RAP1GAP2: variants seen among roughly 807,000 people sequenced by gnomAD.
RAP1GAP2 encodes the protein rap1 GTPase-activating protein 2.
In RAP1GAP2, 27 loss-of-function variants were observed where a neutral mutation model predicts 95.0. The ratio of observed to expected loss-of-function variants is 0.28; its 90% CI spans 0.21 to 0.39. The LOEUF is 0.39. Among genes scored for constraint, RAP1GAP2 ranks in the 10% least tolerant of loss-of-function variants. RAP1GAP2 has a pLI of 1.00. For synonymous variants in RAP1GAP2, 373 were observed against 380.9 expected (o/e 0.98, Z 0.24); for missense variants, 771 against 970.0 (o/e 0.79, Z 2.72).
chr17:2,881,200 G>A (rs191936202), intron 2 of RAP1GAP2, among the ~76,000 whole-genome samples: 26 of 152,180 alleles, frequency 1.7e-4, no homozygotes, highest in African/African-American at 6.3e-4. Context: ...GGCAGAGGCT[G>A]GAGTGAGCCG....
intron 2 of RAP1GAP2, among the ~76,000 whole-genome samples, chr17:2,851,351 G>A (rs565912485): frequency 6.6e-6 from 1 of 152,290 alleles, no homozygotes; most frequent in East Asian, 1.9e-4. Context: ...AAATGCTGGT[G>A]GAATGGGTAA....
At chr17:2,987,571 G>C (rs1398160677) in intron 11 of RAP1GAP2, among the ~76,000 whole-genome samples, 7 of 152,024 alleles carry the variant, frequency 4.6e-5, no homozygotes, top group Non-Finnish European at 1.0e-4. Context: ...GTGTTGGTCA[G>C]GCTGGTCTCG....
intron 9 of RAP1GAP2, among the ~76,000 whole-genome samples, chr17:2,980,739 C>A (rs2045325107): frequency 6.6e-6 from 1 of 152,152 alleles, no homozygotes. Context: ...ACCTTCACAG[C>A]AGAGGAAAGG....
intron 1 of RAP1GAP2, among the ~76,000 whole-genome samples, chr17:2,768,865 A>G (rs2068327711): frequency 6.6e-6 from 1 of 151,844 alleles, no homozygotes; most frequent in African/African-American, 2.4e-5. Context: ...TGGAGGTTCT[A>G]GAAGACCTAA....
At chr17:2,994,999 A>AGACG (rs2045904051) in intron 12 of RAP1GAP2, among the ~76,000 whole-genome samples, 1 of 152,132 alleles carries the variant, frequency 6.6e-6, no homozygotes, top group African/African-American at 2.4e-5. Flanking sequence ...TTTTTAGTAG[A>AGACG]GACGGGGGTT....
chr17:2,787,672 A>G (rs747317234), intron 1 of RAP1GAP2, among the ~76,000 whole-genome samples: 1 of 152,030 alleles, frequency 6.6e-6, no homozygotes, highest in Non-Finnish European at 1.5e-5. Flanking sequence ...GGTTCACGCA[A>G]TTCTCCTGCC....
At chr17:2,997,346 T>A (rs1299674983) in intron 13 of RAP1GAP2, among the ~76,000 whole-genome samples, 2 of 152,208 alleles carry the variant, frequency 1.3e-5, no homozygotes, top group Non-Finnish European at 2.9e-5. Flanking sequence ...CCTGTAATTT[T>A]GCCCTTGCCT....
chr17:2,941,830 G>T (rs933151996), intron 3 of RAP1GAP2, among the ~76,000 whole-genome samples: 5 of 152,060 alleles, frequency 3.3e-5, no homozygotes, highest in African/African-American at 1.2e-4. Context: ...TTACAGACAT[G>T]TGCCACCACG....
At chr17:2,793,865 C>CT (rs1367890592), upstream of RAP1GAP2, among the ~76,000 whole-genome samples, 1 of 152,098 alleles carries the variant, frequency 6.6e-6, no homozygotes, top group Non-Finnish European at 1.5e-5. Flanking sequence ...CTTTGGGAGG[C>CT]TGAGACGGGT....
At position 3,027,926 on chromosome 17, in the gene RAP1GAP2, G is replaced by A. The variant is rs1195734596; in HGVS notation, c.2107+856G>A. On this transcript the variant is annotated intron_variant, in intron 22 of 24. Coordinates refer to ENST00000254695, the MANE Select transcript of RAP1GAP2 (RefSeq NM_015085.5). The surrounding 1 kb of genome is among the most constrained non-coding windows in gnomAD (Gnocchi z 5.2). ...GGCGTTTTGGGGTTCTGTGATCCCT[G>A]CAGTTGGTCAGAATAGGGGGGCCAG... 2.0e-5 allele frequency among the ~76,000 whole-genome samples: 3 copies of A among 152,076 alleles called. No homozygotes were observed. The highest frequency in any genetic ancestry group is 4.4e-5 in the Non-Finnish European group (3 of 68,004).
chr17:2,891,936 G>T (rs768738755), intron 2 of RAP1GAP2, among the ~76,000 whole-genome samples: 38 of 139,674 alleles, frequency 2.7e-4, no homozygotes, highest in Non-Finnish European at 5.4e-4. Context: ...CGATTCTCCT[G>T]CTTCAGCCTC....
At chr17:2,800,303 T>A in intron 1 of RAP1GAP2, 1 of 881,732 alleles carries the variant, frequency 1.1e-6, no homozygotes. Context: ...AGAATAATAA[T>A]ACGCATGTTG....
chr17:2,814,851 G>T (rs1290786906), intron 2 of RAP1GAP2, among the ~76,000 whole-genome samples: 1 of 152,144 alleles, frequency 6.6e-6, no homozygotes, highest in Non-Finnish European at 1.5e-5. Flanking sequence ...GGGTGTTGGG[G>T]GGGAGGGTTG....
At chr17:2,983,845 G>A (rs12051711) in intron 10 of RAP1GAP2, among the ~76,000 whole-genome samples, 41,843 of 152,086 alleles carry the variant, frequency 0.28, 6,470 homozygotes, top group African/African-American at 0.41. Flanking sequence ...ACAGCTCCCA[G>A]ATCTTTTCTT....
At chr17:2,966,522 T>C (rs1042118231) in intron 8 of RAP1GAP2, among the ~76,000 whole-genome samples, 5 of 152,192 alleles carry the variant, frequency 3.3e-5, no homozygotes, top group Non-Finnish European at 7.3e-5. Context: ...TTTTTTTTCC[T>C]GCCCAAATTT....
intron 3 of RAP1GAP2, among the ~76,000 whole-genome samples, chr17:2,916,292 G>A (rs564722952): frequency 6.6e-6 from 1 of 151,922 alleles, no homozygotes; most frequent in African/African-American, 2.4e-5. Context: ...CCACCGTTTG[G>A]CTCCCGTGGC....
intron 2 of RAP1GAP2, among the ~76,000 whole-genome samples, chr17:2,858,727 A>G (rs2151612850): frequency 6.6e-6 from 1 of 152,276 alleles, no homozygotes; most frequent in Non-Finnish European, 1.5e-5. Flanking sequence ...CCTGGGCAAT[A>G]TAGTGAGACT....
chr17:2,794,399 C>G (rs2069012241), upstream of RAP1GAP2, among the ~76,000 whole-genome samples: 2 of 152,290 alleles, frequency 1.3e-5, no homozygotes, highest in Admixed American at 1.3e-4. Context: ...TCCACGGTAC[C>G]TGTTGAGCAC....
intron 8 of RAP1GAP2, among the ~76,000 whole-genome samples, chr17:2,973,826 C>T (rs949464101): frequency 2.0e-5 from 3 of 152,084 alleles, no homozygotes; most frequent in South Asian, 2.1e-4. Context: ...AACCACACAC[C>T]GTGCTGCTGA....
Sources: gnomAD v4.1 joint callset for allele counts (sites outside exome capture counted in the v4.1 genomes callset) on GRCh38, gnomAD v4.1.1 for gene constraint, Gnocchi (gnomAD v3.1) non-coding constraint, MANE v1.5 for transcripts, NCBI Gene and HGNC (gene_info 2026-07-23, HGNC 2026-07-21) for gene names.